Variants in SCNN1B observed in about 807,000 individuals in gnomAD.
The protein encoded by SCNN1B is epithelial sodium channel subunit beta.
In SCNN1B, 46 loss-of-function variants were observed where a neutral mutation model predicts 65.3. The ratio of observed to expected loss-of-function variants is 0.70; its 90% CI spans 0.56 to 0.90. The LOEUF (loss-of-function observed/expected upper bound fraction) is 0.90. SCNN1B is among the 40% of genes least tolerant of loss of function. The pLI is 0.00. For synonymous variants in SCNN1B, 349 were observed against 330.6 expected, an observed-to-expected ratio of 1.06 and a Z score of -0.60; for missense variants, 751 against 830.5, an observed-to-expected ratio of 0.90 and a Z score of 1.18.
At chr16:23,293,003 T>A (rs1164728246) in intron 2 of SCNN1B, among the ~76,000 whole-genome samples, 4 of 148,534 alleles carry the variant, frequency 2.7e-5, no homozygotes, top group Admixed American at 6.9e-5. Context: ...TAATCCCAGG[T>A]ACTCAGGAAG....
intron 1 of SCNN1B, among the ~76,000 whole-genome samples, chr16:23,321,275 C>T (rs1961581991): frequency 6.6e-6 from 1 of 152,192 alleles, no homozygotes; most frequent in African/African-American, 2.4e-5. Context: ...CTCTTACCCT[C>T]AAGTGATCCA....
chr16:23,282,213 A>T (rs760047005), intron 1 of SCNN1B, among the ~76,000 whole-genome samples: 1 of 152,158 alleles, frequency 6.6e-6, no homozygotes, highest in Non-Finnish European at 1.5e-5. Flanking sequence ...GTACCCATAA[A>T]TCCATAAAAA....
Position 23,369,267 on chromosome 16 carries a change from A to G in SCNN1B, c.880+1308A>G, listed in dbSNP as rs138302080. On this transcript the variant is annotated intron_variant, in intron 5 of 12. Coordinates refer to ENST00000343070, the MANE Select transcript of SCNN1B (RefSeq NM_000336.3). The stretch of plus-strand genomic sequence containing the variant: ...GGATTGCAGGTGGCTAATTTTTTGT[A>G]GAGATAAGGTTTCATCCTGTTGCCC... Among the ~76,000 whole-genome samples the G allele has an allele frequency of 3.7e-3, 558 of 152,102 alleles. 5 individuals are homozygous for G. Among genetic ancestry groups the G allele is most frequent in the African/African-American group, 0.013 (535 of 41,498 alleles).
rs771771375 is a variant in SCNN1B, at chr16:23,377,419, C to T, written c.1404+33C>T. On this transcript the variant is annotated intron_variant, in intron 10 of 12. Coordinates refer to ENST00000343070, the MANE Select transcript of SCNN1B (RefSeq NM_000336.3). Reference sequence around the variant, plus strand: ...AGTTGGGGGCCAAGCTCCTGGCTCCCACCTTTGGCTGGGGACAAGTCTGGG... The same window carrying T: ...AGTTGGGGGCCAAGCTCCTGGCTCCTACCTTTGGCTGGGGACAAGTCTGGG... 7.4e-6 allele frequency: 12 copies of T among 1,610,832 alleles called. No individual in the cohort carries two copies. The South Asian group carries it at 9.9e-5, about 13-fold the overall frequency.
At chr16:23,355,198 G>C in intron 3 of SCNN1B, 101 bp from the exon 4 acceptor site, 1 of 1,200,400 alleles carries the variant, frequency 8.3e-7, no homozygotes, top group Non-Finnish European at 1.2e-6. Context: ...AAAGGTGGCT[G>C]GCAAAGCACA....
chr16:23,310,517 T>C (rs1489526162), intron 1 of SCNN1B, among the ~76,000 whole-genome samples: 1 of 152,120 alleles, frequency 6.6e-6, no homozygotes, highest in Non-Finnish European at 1.5e-5. Flanking sequence ...AGACCCCACC[T>C]CTATAATAAA....
chr16:23,316,723 C>T (rs1961478221), intron 1 of SCNN1B, among the ~76,000 whole-genome samples: 2 of 148,936 alleles, frequency 1.3e-5, no homozygotes, highest in African/African-American at 4.9e-5. Flanking sequence ...CCATCACCCT[C>T]ACCATCTCCT....
At chr16:23,305,573 TATATTATA>T (rs1567290454) in intron 1 of SCNN1B, among the ~76,000 whole-genome samples, 1,000 of 42,586 alleles carry the variant, frequency 0.023, 78 homozygotes, top group East Asian at 0.065. Context: ...TATATATATA[TATATTATA>T]TATATATATA....
intron 2 of SCNN1B, among the ~76,000 whole-genome samples, chr16:23,285,335 G>C (rs1326691043): frequency 1.3e-5 from 2 of 152,128 alleles, no homozygotes; most frequent in Admixed American, 1.3e-4. Context: ...ACCACACCCA[G>C]CTAATTTTTT....
intron 1 of SCNN1B, among the ~76,000 whole-genome samples, chr16:23,343,766 A>T (rs974988219): frequency 1.3e-5 from 2 of 152,164 alleles, no homozygotes; most frequent in South Asian, 2.1e-4. Flanking sequence ...TATAGTCAGC[A>T]ATCTGTGACT....
rs1321086280 is a variant in SCNN1B at position 23,348,587 on chromosome 16, T to C, written c.-8-5T>C. The stretch of plus-strand genomic sequence containing the variant: ...GCTGATGTGCGTCCCCATGCCTCTC[T>C]GCAGGTGCCACTATGCACGTGAAGA... On this transcript the variant is annotated splice_region_variant and splice_polypyrimidine_tract_variant and intron_variant, in intron 1 of 12. Transcript: ENST00000343070. This position sits in a 1 kb window ranked among gnomAD's most constrained non-coding sequence, Gnocchi z 4.5. The C allele has an allele frequency of 6.2e-7, 1 of 1,612,088 alleles. No individual in the cohort carries two copies. Among genetic ancestry groups the C allele is most frequent in the Non-Finnish European group, 8.5e-7 (1 of 1,179,774 alleles).
At chr16:23,319,414 C>T (rs963679903) in intron 1 of SCNN1B, among the ~76,000 whole-genome samples, 2 of 151,904 alleles carry the variant, frequency 1.3e-5, no homozygotes, top group African/African-American at 2.4e-5. Context: ...GCCCAAAGGC[C>T]GGTGTTTGAT....
In SCNN1B at chr16:23,355,279, A is replaced by T. The variant is rs1378764874; in HGVS notation, c.586-20A>T. 3 of 1,612,746 alleles carry T rather than the reference A, an allele frequency of 1.9e-6. No individual in the cohort carries two copies. Among genetic ancestry groups the T allele is most frequent in the Non-Finnish European group, 2.5e-6 (3 of 1,179,650 alleles). Reference sequence around the variant, plus strand: ...AGCAGCTCCCACGCCACCCACAAAAACCCCTCTTGGCCTCCACAGTGTAGC... The same window carrying T: ...AGCAGCTCCCACGCCACCCACAAAATCCCCTCTTGGCCTCCACAGTGTAGC... On this transcript the variant is annotated intron_variant, in intron 3 of 12. Coordinates refer to ENST00000343070, the MANE Select transcript of SCNN1B (RefSeq NM_000336.3).
chr16:23,372,006 C>T, intron 7 of SCNN1B, 123 bp downstream of exon 7: 2 of 769,246 alleles, frequency 2.6e-6, no homozygotes, highest in Non-Finnish European at 4.6e-6. Flanking sequence ...TGTAGGTTGC[C>T]ACGGGGCACC....
chr16:23,302,058 G>C (rs1299803147), upstream of SCNN1B, among the ~76,000 whole-genome samples: 3 of 152,164 alleles, frequency 2.0e-5, no homozygotes, highest in Non-Finnish European at 4.4e-5. Context: ...GGGGTCTGTG[G>C]ACATATTCGT....
chr16:23,310,846 T>C (rs1961326603), intron 1 of SCNN1B, among the ~76,000 whole-genome samples: 1 of 152,216 alleles, frequency 6.6e-6, no homozygotes, highest in South Asian at 2.1e-4. Flanking sequence ...CAAATGATTA[T>C]TTTCCACCTG....
At chr16:23,293,055 C>T (rs1212619604) in intron 2 of SCNN1B, among the ~76,000 whole-genome samples, 1 of 138,400 alleles carries the variant, frequency 7.2e-6, no homozygotes, top group Non-Finnish European at 1.5e-5. Context: ...GTGAAGTTTG[C>T]AGCGAGCCGA....
At chr16:23,311,403 G>A (rs1961340929) in intron 1 of SCNN1B, among the ~76,000 whole-genome samples, 1 of 152,202 alleles carries the variant, frequency 6.6e-6, no homozygotes, top group South Asian at 2.1e-4. Context: ...CTCATTTGAG[G>A]ACCTTAAGCA....
At chr16:23,371,601 C>G in intron 6 of SCNN1B, 139 bp downstream of exon 6, 1 of 1,076,586 alleles carries the variant, frequency 9.3e-7, no homozygotes, top group East Asian at 2.5e-5. Context: ...TGGAATCCCC[C>G]CAGGGTGGCC....
Sources: gnomAD v4.1 joint callset for allele counts (sites outside exome capture counted in the v4.1 genomes callset) on GRCh38, gnomAD v4.1.1 for gene constraint, Gnocchi (gnomAD v3.1) non-coding constraint, MANE v1.5 for transcripts, NCBI Gene and HGNC (gene_info 2026-07-23, HGNC 2026-07-21) for gene names.